Variants in RASGEF1B observed in about 807,000 individuals in gnomAD.
RASGEF1B encodes the protein RasGEF domain family member 1B, also known as ras-GEF domain-containing family member 1B.
RASGEF1B carries 30 observed loss-of-function variants against 65.7 expected under a neutral mutation model. The observed-to-expected ratio is 0.46, with a 90% CI of 0.34 to 0.62. RASGEF1B has a LOEUF of 0.62. RASGEF1B is among the 20% of genes least tolerant of loss of function. The pLI, the probability that RASGEF1B is intolerant of heterozygous loss-of-function variation, is 0.01. For missense variants in RASGEF1B, 495 were observed against 580.1 expected, an observed-to-expected ratio of 0.85 and a Z score of 1.51; for synonymous variants, 175 against 194.8, an observed-to-expected ratio of 0.90 and a Z score of 0.85.
At position 81,457,571 on chromosome 4, in the gene RASGEF1B, C is replaced by T. The variant is rs199679536; in HGVS notation, c.228G>A (p.Pro76=). 33 of 1,613,914 alleles carry T rather than the reference C, an allele frequency of 2.0e-5. 1 individual carries two copies. Among genetic ancestry groups the T allele is most frequent in the African/African-American group, 1.7e-4 (13 of 75,014 alleles). Residue 76 remains proline (P), a synonymous_variant, in exon 3 of 14, where the codon CCG becomes CCA. Coordinates refer to ENST00000264400, the MANE Select transcript of RASGEF1B (RefSeq NM_152545.3). Reference sequence around the variant, plus strand: ...GGCAAACTTTGGCCATTAGCTCATACGGATGCATAAATAACCGAGAACTGA... The same window carrying T: ...GGCAAACTTTGGCCATTAGCTCATATGGATGCATAAATAACCGAGAACTGA... The part of the protein sequence containing the change: ...FLLSSRLFMH[P]YELMAKVCHL...
At chr4:81,453,141 C>G (rs1722324209) in intron 4 of RASGEF1B, 1 of 152,108 alleles carries the variant, frequency 6.6e-6, no homozygotes, top group Non-Finnish European at 1.5e-5. Context: ...CTCATTCATT[C>G]AAACACTACT....
chr4:81,450,802 A>G (rs1051803392), intron 4 of RASGEF1B: 1 of 152,172 alleles, frequency 6.6e-6, no homozygotes, highest in African/African-American at 2.4e-5. Context: ...GGTTGACGCT[A>G]TGGTAAGCCC....
chr4:81,434,560 C>T (rs1217719255), intron 11 of RASGEF1B, 79 bp downstream of exon 11: 1 of 811,668 alleles, frequency 1.2e-6, no homozygotes, highest in South Asian at 1.4e-5. Flanking sequence ...GCTTTGGCTG[C>T]CTGGCCAGGA....
chr4:81,460,521 G>A (rs1722605623), intron 1 of RASGEF1B, among the ~76,000 whole-genome samples: 1 of 152,100 alleles, frequency 6.6e-6, no homozygotes, highest in Non-Finnish European at 1.5e-5. Flanking sequence ...GACATAACCT[G>A]GACTAATCTT....
At chr4:81,470,638 G>C (rs963062747) in intron 1 of RASGEF1B, among the ~76,000 whole-genome samples, 1 of 152,172 alleles carries the variant, frequency 6.6e-6, no homozygotes, top group Non-Finnish European at 1.5e-5. Flanking sequence ...TTGGAGACGC[G>C]TTCGGCCCAA....
intron 4 of RASGEF1B, chr4:81,453,608 C>G (rs1278198557): frequency 1.3e-5 from 2 of 152,190 alleles, no homozygotes; most frequent in Admixed American, 6.5e-5. Context: ...GCTATCATTA[C>G]TCATCACAGA....
intron 5 of RASGEF1B, 61 bp downstream of exon 5, chr4:81,448,008 T>A (rs1316027994): frequency 7.2e-7 from 1 of 1,387,540 alleles, no homozygotes; most frequent in Non-Finnish European, 1.0e-6. Flanking sequence ...AAATATATCG[T>A]CTGGTTGCCA....
At chr4:81,471,466 G>A (rs542769389) in intron 1 of RASGEF1B, among the ~76,000 whole-genome samples, 1 of 152,312 alleles carries the variant, frequency 6.6e-6, no homozygotes, top group African/African-American at 2.4e-5. Flanking sequence ...CCGGGTCCCA[G>A]CGGCTCGGCC....
In RASGEF1B at chr4:81,456,605, C is replaced by A. The variant is rs755346462; in HGVS notation, c.438+46G>T. Reference sequence around the variant, plus strand: ...AATTCGGCACCATTTCCCACCCAGGCTCTGCCTGGGAATTCCAGCAGCCGC... The same window carrying A: ...AATTCGGCACCATTTCCCACCCAGGATCTGCCTGGGAATTCCAGCAGCCGC... On this transcript the variant is annotated intron_variant, in intron 4 of 13. Coordinates refer to ENST00000264400, the MANE Select transcript of RASGEF1B (RefSeq NM_152545.3). 7 of 1,608,828 alleles carry A rather than the reference C, an allele frequency of 4.4e-6. No homozygotes were observed. In the Admixed American group the frequency reaches 6.7e-5, roughly 15 times the overall value.
intron 13 of RASGEF1B, among the ~76,000 whole-genome samples, chr4:81,431,805 A>G (rs1162935832): frequency 1.3e-5 from 2 of 152,222 alleles, no homozygotes; most frequent in Admixed American, 1.3e-4. Context: ...ATAGGATATC[A>G]AAAGTTGTAA....
chr4:81,457,526 C>G lies in RASGEF1B; in HGVS notation c.273G>C (p.Gln91His). 3 of 1,614,092 alleles carry G rather than the reference C, an allele frequency of 1.9e-6. No homozygotes were observed. Among genetic ancestry groups the G allele is most frequent in the Non-Finnish European group, 1.7e-6 (2 of 1,179,998 alleles). Residue 91 changes from glutamine (Q) to histidine (H), a missense_variant, in exon 3 of 14, where the codon CAG (glutamine) becomes CAC (histidine). By Grantham distance (24) the Gln-to-His change is conservative (BLOSUM62 0). Transcript: ENST00000264400. ...TATCACTATCAGGATCACTTAGTCTCTGGTGCTCAACACATAAGTGGCAAA... is the reference window on the plus strand; with the variant it reads ...TATCACTATCAGGATCACTTAGTCTGTGGTGCTCAACACATAAGTGGCAAA... The part of the protein sequence containing the change: ...AKVCHLCVEH[Q>H]RLSDPDSDKN...
rs568568337 is a variant in RASGEF1B at position 81,466,949 on chromosome 4, A to G, written c.-7+4821T>C. On this transcript the variant is annotated intron_variant, in intron 1 of 13. Coordinates refer to ENST00000264400, the MANE Select transcript of RASGEF1B (RefSeq NM_152545.3). ...CTGCTTACCTCCTTAAAAAAAAAAA[A>G]AAAAAAGAAAAAAAAGGTATTGTAT... 1.1e-3 allele frequency among the ~76,000 whole-genome samples: 157 copies of G among 148,232 alleles called. 5 individuals are homozygous for G. Among genetic ancestry groups the G allele is most frequent in the African/African-American group, 3.4e-3 (132 of 38,922 alleles).
chr4:81,461,770 C>T (rs1722652713), intron 1 of RASGEF1B, among the ~76,000 whole-genome samples: 1 of 152,110 alleles, frequency 6.6e-6, no homozygotes, highest in African/African-American at 2.4e-5. Context: ...ATGGAAGGAG[C>T]CACAGCCCAT....
chr4:81,432,847 C>T (rs1193511764), intron 12 of RASGEF1B, among the ~76,000 whole-genome samples: 3 of 151,868 alleles, frequency 2.0e-5, no homozygotes, highest in African/African-American at 7.3e-5. Context: ...AAAGACTCTT[C>T]ATTTAAAAAT....
chr4:81,461,137 C>G (rs1722628518), intron 1 of RASGEF1B, among the ~76,000 whole-genome samples: 1 of 152,204 alleles, frequency 6.6e-6, no homozygotes, highest in African/African-American at 2.4e-5. Flanking sequence ...TTTCTTTCCT[C>G]CTCAAATTGC....
At chr4:81,453,550 T>A (rs1196849674) in intron 4 of RASGEF1B, 2 of 152,228 alleles carry the variant, frequency 1.3e-5, no homozygotes, top group Non-Finnish European at 2.9e-5. Flanking sequence ...CAATCTGAGG[T>A]TGGTTGAACC....
intron 6 of RASGEF1B, 135 bp downstream of exon 6, chr4:81,447,369 C>T (rs1263800324): frequency 3.1e-6 from 2 of 647,780 alleles, no homozygotes; most frequent in East Asian, 2.8e-5. Context: ...TCAGACGTGG[C>T]TGATGGAAAA....
chr4:81,468,481 C>T (rs1471977190), intron 1 of RASGEF1B, among the ~76,000 whole-genome samples: 2 of 151,940 alleles, frequency 1.3e-5, no homozygotes, highest in Non-Finnish European at 2.9e-5. Flanking sequence ...ATAGGCATAT[C>T]CTGAAATGAA....
chr4:81,463,115 C>T (rs1374795889), intron 1 of RASGEF1B, among the ~76,000 whole-genome samples: 1 of 152,166 alleles, frequency 6.6e-6, no homozygotes, highest in African/African-American at 2.4e-5. Context: ...TCCTGTCAGT[C>T]TGTCTCAAAT....
Sources: allele counts gnomAD v4.1 joint callset (sites outside exome capture counted in the v4.1 genomes callset), GRCh38; gene constraint gnomAD v4.1.1; transcripts MANE v1.5; gene names NCBI Gene and HGNC (gene_info 2026-07-23, HGNC 2026-07-21).